Variants in BLTP1 observed in about 807,000 individuals in gnomAD.
The protein encoded by BLTP1 is bridge-like lipid transfer protein family member 1.
At chr4:122,193,931 C>T in the BLTP1 span, among the ~76,000 whole-genome samples, 7 of 151,684 alleles carry the variant, frequency 4.6e-5, no homozygotes, top group African/African-American at 1.5e-4. Flanking sequence ...GGCGGGATCT[C>T]GGCTCACTGC....
the BLTP1 span, chr4:122,281,927 G>A: frequency 7.2e-6 from 7 of 978,430 alleles, no homozygotes; most frequent in South Asian, 1.4e-4. Context: ...CTCTAGTCAA[G>A]TAAAAATATC....
the BLTP1 span, chr4:122,210,780 A>G: frequency 7.1e-7 from 1 of 1,416,224 alleles, no homozygotes; most frequent in Non-Finnish European, 9.4e-7. Flanking sequence ...TTGATGTCAT[A>G]TTTGCAAAGT....
the BLTP1 span, chr4:122,315,605 G>A: frequency 1.2e-6 from 2 of 1,614,016 alleles, no homozygotes; most frequent in Non-Finnish European, 1.7e-6. Context: ...AGACATAGAT[G>A]ACATTGCTGA....
chr4:122,187,099 T>C, the BLTP1 span: 2 of 984,272 alleles, frequency 2.0e-6, no homozygotes, highest in Non-Finnish European at 2.4e-6. Flanking sequence ...TCTTATAAAA[T>C]GTCGTATAGT....
At chr4:122,210,995 C>T in the BLTP1 span, 1 of 1,612,564 alleles carries the variant, frequency 6.2e-7, no homozygotes, top group Non-Finnish European at 8.5e-7. Flanking sequence ...ATTGATCCCT[C>T]AGAACTTCCA....
chr4:122,360,021 C>T, the BLTP1 span: 2 of 985,174 alleles, frequency 2.0e-6, no homozygotes, highest in African/African-American at 3.5e-5. Context: ...CACCTTCTCA[C>T]CAAGATGTTA....
At chr4:122,157,649 C>G in the BLTP1 span, among the ~76,000 whole-genome samples, 2 of 152,170 alleles carry the variant, frequency 1.3e-5, no homozygotes, top group Non-Finnish European at 1.5e-5. Flanking sequence ...CAGACCAGTA[C>G]CAGTCTGCGG....
chr4:122,248,278 A>G, the BLTP1 span: 2 of 185,916 alleles, frequency 1.1e-5, no homozygotes, highest in South Asian at 3.7e-4. Context: ...TGCGTGGGTA[A>G]CCAATTTGCA....
the BLTP1 span, among the ~76,000 whole-genome samples, chr4:122,179,584 C>T: frequency 3.3e-5 from 5 of 152,208 alleles, no homozygotes; most frequent in Admixed American, 1.3e-4. Flanking sequence ...TTTCATCCTC[C>T]GTACCTGTAC....
At chr4:122,251,538 T>G in the BLTP1 span, 19 of 979,750 alleles carry the variant, frequency 1.9e-5, no homozygotes, top group South Asian at 8.5e-4. Context: ...GATTATCACT[T>G]TAATTAAGGA....
At chr4:122,284,585 TGTGTATACAGTA>T in the BLTP1 span, among the ~76,000 whole-genome samples, 1 of 147,790 alleles carries the variant, frequency 6.8e-6, no homozygotes, top group African/African-American at 2.6e-5. Context: ...TATGTAAGTA[TGTGTATACAGTA>T]GTCCCTGCTT....
chr4:122,225,673 A>G, the BLTP1 span: 3 of 152,214 alleles, frequency 2.0e-5, no homozygotes, highest in Admixed American at 6.5e-5. Flanking sequence ...CGTCATCTCA[A>G]TATAATATTA....
chr4:122,263,381 T>C, the BLTP1 span: 3 of 1,461,300 alleles, frequency 2.1e-6, no homozygotes, highest in Admixed American at 7.7e-5. Flanking sequence ...GGTATATAAA[T>C]TACATTTTTT....
chr4:122,329,943 AT>A, the BLTP1 span, among the ~76,000 whole-genome samples: 1 of 151,758 alleles, frequency 6.6e-6, no homozygotes, highest in Non-Finnish European at 1.5e-5. Flanking sequence ...GAGTTGGACA[AT>A]TTTAGATACC....
the BLTP1 span, chr4:122,199,196 C>T: frequency 5.0e-6 from 2 of 403,444 alleles, no homozygotes; most frequent in Non-Finnish European, 6.7e-6. Context: ...GAAGGATCAC[C>T]TATTAAGTTA....
At chr4:122,244,257 T>C in the BLTP1 span, among the ~76,000 whole-genome samples, 148 of 152,190 alleles carry the variant, frequency 9.7e-4, no homozygotes, top group African/African-American at 3.5e-3. Context: ...CCTAAATAAT[T>C]GGAGTTGTCC....
At chr4:122,261,793 C>T in the BLTP1 span, 6 of 978,798 alleles carry the variant, frequency 6.1e-6, no homozygotes, top group African/African-American at 1.8e-5. Flanking sequence ...ATACATGAAA[C>T]ATGCTTATCA....
chr4:122,183,502 C>T, the BLTP1 span: 1 of 985,166 alleles, frequency 1.0e-6, no homozygotes, highest in Non-Finnish European at 1.2e-6. Context: ...TCCATCCTTT[C>T]CACAAGCTGC....
the BLTP1 span, among the ~76,000 whole-genome samples, chr4:122,303,586 C>G: frequency 2.0e-5 from 3 of 152,150 alleles, no homozygotes; most frequent in Admixed American, 2.0e-4. Flanking sequence ...CACTTTGATT[C>G]ATGAGAGGAG....
Sources: allele counts gnomAD v4.1 joint callset (sites outside exome capture counted in the v4.1 genomes callset), GRCh38; gene constraint gnomAD v4.1.1; transcripts MANE v1.5; gene names NCBI Gene and HGNC (gene_info 2026-07-23, HGNC 2026-07-21).